The following AKT1S1 variants were observed in gnomAD, a reference collection of about 807,000 sequenced individuals.
AKT1S1 encodes proline-rich AKT1 substrate 1.
A neutral mutation model predicts 21.2 loss-of-function variants in AKT1S1; 17 were observed. The observed-to-expected ratio is 0.80, with a 90% CI of 0.55 to 1.20. The LOEUF is 1.20. AKT1S1 is among the 50% of genes most tolerant of loss of function. The pLI is 0.00. For missense variants in AKT1S1, 366 were observed against 368.3 expected, an observed-to-expected ratio of 0.99 and a Z score of 0.05; for synonymous variants, 181 against 165.6, an observed-to-expected ratio of 1.09 and a Z score of -0.72.
At position 49,873,361 on chromosome 19, in the gene AKT1S1, C is replaced by T; in HGVS notation, c.-7-59G>A. 4 of 1,388,836 alleles carry T rather than the reference C, an allele frequency of 2.9e-6. No individual in the cohort carries two copies. The highest frequency in any genetic ancestry group is 3.7e-6 in the Non-Finnish European group (4 of 1,079,400). The allele number at this position is 1,388,836 out of a possible 1,614,324, so 86.0% of individuals were successfully genotyped here. On this transcript the variant is annotated intron_variant, in intron 1 of 4. Transcript: ENST00000344175. The surrounding 1 kb of genome is among the most constrained non-coding windows in gnomAD (Gnocchi z 6.9). ...CTTGGCGGCCTACATCATCGCCACC[C>T]ACTCAGAGTGCCCGCCCGTCCCCTG...
At chr19:49,871,935 C>A (rs761223199) in intron 2 of AKT1S1, 46 bp from the exon 3 acceptor site, 2 of 1,590,184 alleles carry the variant, frequency 1.3e-6, no homozygotes, top group Admixed American at 3.4e-5. Flanking sequence ...AGCACCTAGC[C>A]ATGCTCCATG....
Position 49,871,802 on chromosome 19 carries a change from G to C in AKT1S1, c.457+10C>G. 2 of 1,612,432 alleles carry C rather than the reference G, an allele frequency of 1.2e-6. No individual in the cohort carries two copies. Among genetic ancestry groups the C allele is most frequent in the Non-Finnish European group, 1.7e-6 (2 of 1,179,412 alleles). Reference sequence around the variant, plus strand: ...CTCAGGTCGGGAGGGGAACAGCCTGGGACACTCACCATCTGTACTCTCGGG... The same window carrying C: ...CTCAGGTCGGGAGGGGAACAGCCTGCGACACTCACCATCTGTACTCTCGGG... On this transcript the variant is annotated intron_variant, in intron 3 of 4. Transcript: ENST00000344175.
chr19:49,870,964 C>G (rs912164564), intron 4 of AKT1S1, among the ~76,000 whole-genome samples: 2 of 152,142 alleles, frequency 1.3e-5, no homozygotes, highest in Admixed American at 1.3e-4. Context: ...ACCCAGGCCT[C>G]CTCCCTCAAA....
chr19:49,878,125 T>C, upstream of AKT1S1: 4 of 1,563,682 alleles, frequency 2.6e-6, no homozygotes, highest in Non-Finnish European at 3.5e-6. Flanking sequence ...CAGCCCTCGC[T>C]GGTTCCCCCC....
chr19:49,872,806 G>T, intron 2 of AKT1S1, 111 bp downstream of exon 2: 2 of 1,299,296 alleles, frequency 1.5e-6, no homozygotes, highest in Non-Finnish European at 2.1e-6. Flanking sequence ...GGGGTCCTGA[G>T]ACTGCACTTC....
In AKT1S1 at chr19:49,869,854, A is replaced by AGTGGGGCGGGGGCGTAGT; in HGVS notation, c.*45_*62dup. ...CGGCCTCAGATTAGCAGGCCCCGGG[A>AGTGGGGCGGGGGCGTAGT]GTGGGGCGGGGGCGTAGTGTGGGAC... On this transcript the variant is annotated 3_prime_UTR_variant, in exon 5 of 5. Coordinates refer to ENST00000344175, the MANE Select transcript of AKT1S1 (RefSeq NM_001098633.4). The AGTGGGGCGGGGGCGTAGT allele has an allele frequency of 7.3e-7, 1 of 1,366,710 alleles. No homozygotes were observed. Among genetic ancestry groups the AGTGGGGCGGGGGCGTAGT allele is most frequent in the Non-Finnish European group, 9.6e-7 (1 of 1,040,526 alleles). 84.7% of individuals were successfully genotyped at this position (1,366,710 alleles called of 1,614,324 possible). A position where few individuals can be genotyped will look rare whatever the true frequency, so the allele number is the denominator to read the frequency against.
intron 1 of AKT1S1, chr19:49,876,056 G>C: frequency 1.0e-6 from 1 of 985,608 alleles, no homozygotes; most frequent in Non-Finnish European, 1.2e-6. Flanking sequence ...AGGGAAAAGA[G>C]CTAAGGAGGA....
chr19:49,876,518 G>A (rs1340377693), intron 1 of AKT1S1: 3 of 1,443,148 alleles, frequency 2.1e-6, no homozygotes, highest in Non-Finnish European at 9.2e-7. Flanking sequence ...CCCCTCCCGT[G>A]AGCCGCTCGC....
rs2074849664 is a variant in AKT1S1 at position 49,869,058 on chromosome 19, T to C, written c.*859A>G. 1 of 152,548 alleles carries C rather than the reference T, an allele frequency of 6.6e-6. No homozygotes were observed. The highest frequency in any genetic ancestry group is 2.4e-5 in the African/African-American group (1 of 41,444). 9.4% of individuals were successfully genotyped at this position (152,548 alleles called of 1,614,324 possible). A position where few individuals can be genotyped will look rare whatever the true frequency, so the allele number is the denominator to read the frequency against. On this transcript the variant is annotated 3_prime_UTR_variant, in exon 5 of 5. Coordinates refer to ENST00000344175, the MANE Select transcript of AKT1S1 (RefSeq NM_001098633.4). Reference sequence around the variant, plus strand: ...TTCACATTTATCTCAGAGGTAAAACTCTTTAATCTCAGAGCGCCCCTCCCA... The same window carrying C: ...TTCACATTTATCTCAGAGGTAAAACCCTTTAATCTCAGAGCGCCCCTCCCA...
At chr19:49,875,428 G>A (rs1344529479) in intron 1 of AKT1S1, 1 of 151,806 alleles carries the variant, frequency 6.6e-6, no homozygotes, top group Non-Finnish European at 1.5e-5. Flanking sequence ...GCACAAGTGG[G>A]GCTGAAACTG....
upstream of AKT1S1, chr19:49,877,400 G>A (rs2074961896): frequency 1.2e-5 from 5 of 412,616 alleles, no homozygotes; most frequent in Non-Finnish European, 2.2e-5. Context: ...AGAAGGAAGT[G>A]GGCGTTTCAA....
intron 1 of AKT1S1, among the ~76,000 whole-genome samples, chr19:49,876,409 G>A (rs894952982): frequency 3.9e-5 from 6 of 152,172 alleles, no homozygotes; most frequent in Admixed American, 2.0e-4. Flanking sequence ...TCTACGATTT[G>A]CCTCAGGTCT....
chr19:49,872,968 G>T lies in AKT1S1; in HGVS notation c.328C>A (p.Pro110Thr). 6.2e-7 allele frequency: 1 copy of T among 1,603,012 alleles called. No homozygotes were observed. Among genetic ancestry groups the T allele is most frequent in the Non-Finnish European group, 8.5e-7 (1 of 1,176,790 alleles). The stretch of plus-strand genomic sequence containing the variant: ...TCCCCGGAGGTCTCTGTCTCTGTGG[G>T]CTCATCCTCGTCCTCCTCGTTGTCC... ...REDNEEDEDE[P>T]TETETSGEQL... is the part of the protein sequence containing the mutation. Residue 110 changes from proline to threonine, a missense_variant, in exon 2 of 5, where the codon CCC becomes ACC. Pro to Thr is a conservative substitution (Grantham distance 38). Transcript: ENST00000344175.
rs1056500707 is a variant in AKT1S1, at chr19:49,869,219, C to T, written c.*698G>A. The stretch of plus-strand genomic sequence containing the variant: ...GGGGGGCGAGGGGCGGGAGCTGGTA[C>T]CATCCTGGATGCAGGGACGGGCTTC... On this transcript the variant is annotated 3_prime_UTR_variant, in exon 5 of 5. Transcript: ENST00000344175. The T allele has an allele frequency of 6.6e-6, 1 of 152,610 alleles. No individual in the cohort carries two copies. Among genetic ancestry groups the T allele is most frequent in the Non-Finnish European group, 1.5e-5 (1 of 68,116 alleles). 9.5% of individuals were successfully genotyped at this position (152,610 alleles called of 1,614,324 possible). A position where few individuals can be genotyped will look rare whatever the true frequency, so the allele number is the denominator to read the frequency against.
Position 49,872,947 on chromosome 19 carries a change from C to A in AKT1S1, c.349G>T (p.Gly117Trp). The A allele has an allele frequency of 6.2e-7, 1 of 1,603,654 alleles. No individual in the cohort carries two copies. The highest frequency in any genetic ancestry group is 8.5e-7 in the Non-Finnish European group (1 of 1,178,296). Residue 117 changes from glycine to tryptophan, a missense_variant, in exon 2 of 5, where the codon GGG becomes TGG. By Grantham distance (184) the Gly-to-Trp change is radical. Transcript: ENST00000344175. ...EDEPTETETS[G>W]EQLGISDNGG... The stretch of plus-strand genomic sequence containing the variant: ...TTATCACTAATGCCCAGCTGCTCCC[C>A]GGAGGTCTCTGTCTCTGTGGGCTCA...
rs1228356905 is a variant in AKT1S1, at chr19:49,873,521, T to C, written c.-7-219A>G. On this transcript the variant is annotated intron_variant, in intron 1 of 4. Transcript: ENST00000344175. This position sits in a 1 kb window ranked among gnomAD's most constrained non-coding sequence, Gnocchi z 6.9. ...TGGCGACGTCCTCTGCCCCAACCCA[T>C]TCCTCCTGCCCCAAGTCACTGTACT... is the stretch of plus-strand genomic sequence containing the variant. The C allele has an allele frequency of 1.0e-5, 8 of 783,860 alleles. No individual in the cohort carries two copies. The highest frequency in any genetic ancestry group is 1.4e-5 in the Non-Finnish European group (8 of 552,514). 48.6% of individuals were successfully genotyped at this position (783,860 alleles called of 1,614,324 possible). A position where few individuals can be genotyped will look rare whatever the true frequency, so the allele number is the denominator to read the frequency against.
At chr19:49,878,066 C>T (rs964289146), upstream of AKT1S1, 14 of 1,258,146 alleles carry the variant, frequency 1.1e-5, no homozygotes, top group Admixed American at 3.1e-4. Flanking sequence ...TGGCTCCTCC[C>T]TGGGCCCGTC....
In AKT1S1 at chr19:49,873,364, TCA is replaced by T; in HGVS notation, c.-7-64_-7-63del. 1.4e-6 allele frequency: 2 copies of T among 1,386,992 alleles called. No homozygotes were observed. Among genetic ancestry groups the T allele is most frequent in the Non-Finnish European group, 1.9e-6 (2 of 1,078,314 alleles). The allele number at this position is 1,386,992 out of a possible 1,614,324, so 85.9% of individuals were successfully genotyped here. A position where few individuals can be genotyped will look rare whatever the true frequency, so the allele number is the denominator to read the frequency against. On this transcript the variant is annotated intron_variant, in intron 1 of 4. Transcript: ENST00000344175. This position sits in a 1 kb window ranked among gnomAD's most constrained non-coding sequence, Gnocchi z 6.9. Reference sequence around the variant, plus strand: ...GGCGGCCTACATCATCGCCACCCACTCAGAGTGCCCGCCCGTCCCCTGGATGG... The same window carrying T: ...GGCGGCCTACATCATCGCCACCCACTGAGTGCCCGCCCGTCCCCTGGATGG...
intron 1 of AKT1S1, chr19:49,876,014 C>G (rs1441959288): frequency 2.0e-6 from 2 of 985,230 alleles, no homozygotes; most frequent in Non-Finnish European, 2.4e-6. Flanking sequence ...AGGGGGAGCA[C>G]GATGTGGCTG....
Sources: gnomAD v4.1 joint callset for allele counts (sites outside exome capture counted in the v4.1 genomes callset) on GRCh38, gnomAD v4.1.1 for gene constraint, Gnocchi (gnomAD v3.1) non-coding constraint, MANE v1.5 for transcripts, NCBI Gene and HGNC (gene_info 2026-07-23, HGNC 2026-07-21) for gene names.